The following PEAK1 variants were observed in gnomAD, a reference collection of about 807,000 sequenced individuals.
The protein encoded by PEAK1 is inactive tyrosine-protein kinase PEAK1.
A neutral mutation model predicts 124.7 loss-of-function variants in PEAK1; 54 were observed. That is an observed-to-expected ratio of 0.43 (90% CI 0.35 to 0.54). The LOEUF (loss-of-function observed/expected upper bound fraction) is 0.54, where lower values mean the gene tolerates loss of function less well. Ranked by LOEUF, PEAK1 falls within the 20% of genes least tolerant of loss-of-function variation. PEAK1 has a pLI of 0.01. For synonymous variants in PEAK1, 719 were observed against 760.0 expected, an observed-to-expected ratio of 0.95 and a Z score of 0.89; for missense variants, 2,046 against 2,134.5, an observed-to-expected ratio of 0.96 and a Z score of 0.82.
chr15:77,355,837 C>G (rs557452463), intron 2 of PEAK1: 2 of 985,082 alleles, frequency 2.0e-6, no homozygotes, highest in Non-Finnish European at 2.4e-6. Context: ...CTGCTGACCC[C>G]CTCCCAGAAT....
At chr15:77,297,325 G>C (rs1401753985) in intron 2 of PEAK1, among the ~76,000 whole-genome samples, 7 of 151,718 alleles carry the variant, frequency 4.6e-5, no homozygotes, top group Admixed American at 1.3e-4. Flanking sequence ...TTCACTCCAA[G>C]CTGAAAATTT....
chr15:77,236,987 A>G (rs1340447130), intron 6 of PEAK1, among the ~76,000 whole-genome samples: 1 of 152,224 alleles, frequency 6.6e-6, no homozygotes, highest in Non-Finnish European at 1.5e-5. Context: ...CTTCCCAGCC[A>G]TGTGGAACCA....
chr15:77,317,719 C>T (rs2064964010), intron 2 of PEAK1, among the ~76,000 whole-genome samples: 1 of 152,160 alleles, frequency 6.6e-6, no homozygotes, highest in Non-Finnish European at 1.5e-5. Context: ...TATAAAATGA[C>T]TGAATTCAAA....
intron 6 of PEAK1, among the ~76,000 whole-genome samples, chr15:77,200,979 A>T (rs2058333572): frequency 6.6e-6 from 1 of 152,034 alleles, no homozygotes; most frequent in South Asian, 2.1e-4. Context: ...TATATTATTT[A>T]AAAAATTTCT....
chr15:77,158,039 G>T (rs1596393979), intron 8 of PEAK1: 1 of 156,536 alleles, frequency 6.4e-6, no homozygotes, highest in Admixed American at 6.1e-5. Context: ...TGTTTGTGGT[G>T]CCTACATGCA....
Position 77,114,565 on chromosome 15 carries a change from T to A in PEAK1, c.4832A>T (p.Glu1611Val). Residue 1611 changes from glutamate (E) to valine (V), a missense_variant, in exon 10 of 10, where the codon GAG becomes GTG. Glu to Val is a moderately radical substitution (Grantham distance 121, BLOSUM62 -2). Transcript: ENST00000682557. Reference sequence around the variant, plus strand: ...TTCCCTCTCCTTCAGCTCTGGGTTCTCATCAAAGGGGTTGGGTAGGTGCAG... The same window carrying A: ...TTCCCTCTCCTTCAGCTCTGGGTTCACATCAAAGGGGTTGGGTAGGTGCAG... Reference protein sequence around the residue: ...EMLHLPNPFDENPELKEREYT... With the variant: ...EMLHLPNPFDVNPELKEREYT... 1.2e-6 allele frequency: 2 copies of A among 1,614,102 alleles called. No individual in the cohort carries two copies. Among genetic ancestry groups the A allele is most frequent in the Non-Finnish European group, 1.7e-6 (2 of 1,180,014 alleles).
At chr15:77,303,452 A>C (rs1475532186) in intron 2 of PEAK1, among the ~76,000 whole-genome samples, 1 of 152,154 alleles carries the variant, frequency 6.6e-6, no homozygotes, top group East Asian at 1.9e-4. Flanking sequence ...CCAATTGCTG[A>C]GTAGTGGTAC....
Position 77,118,356 on chromosome 15 carries a change from A to G in PEAK1, c.4078-3037T>C, listed in dbSNP as rs568486202. Among the ~76,000 whole-genome samples the G allele has an allele frequency of 7.2e-5, 11 of 152,272 alleles. No individual in the cohort carries two copies. In the South Asian group the frequency reaches 2.3e-3, roughly 32 times the overall value. On this transcript the variant is annotated intron_variant, in intron 9 of 9. Transcript: ENST00000682557. ...AGCCTGCAATGATGTTAATTTAGGT[A>G]GGAGTATTATATTATTCTAGGTACC...
intron 6 of PEAK1, among the ~76,000 whole-genome samples, chr15:77,182,259 A>T (rs2057313115): frequency 6.6e-6 from 1 of 152,098 alleles, no homozygotes; most frequent in African/African-American, 2.4e-5. Flanking sequence ...TTATCTATCC[A>T]TACATAATCT....
At chr15:77,273,735 C>T (rs965437839) in intron 5 of PEAK1, among the ~76,000 whole-genome samples, 1 of 152,028 alleles carries the variant, frequency 6.6e-6, no homozygotes, top group Non-Finnish European at 1.5e-5. Context: ...ATGCAATTCC[C>T]ATGAAAATAC....
At chr15:77,152,018 T>C (rs1278918667) in intron 8 of PEAK1, among the ~76,000 whole-genome samples, 1 of 152,262 alleles carries the variant, frequency 6.6e-6, no homozygotes, top group Non-Finnish European at 1.5e-5. Context: ...TTTCCAATTC[T>C]GTGAAGAAAG....
At chr15:77,193,372 G>A (rs886380414) in intron 6 of PEAK1, among the ~76,000 whole-genome samples, 1 of 152,088 alleles carries the variant, frequency 6.6e-6, no homozygotes, top group Non-Finnish European at 1.5e-5. Context: ...CAGAAATAAA[G>A]GTGAATGCTC....
At chr15:77,322,969 C>T (rs1253263856) in intron 2 of PEAK1, among the ~76,000 whole-genome samples, 3 of 152,192 alleles carry the variant, frequency 2.0e-5, no homozygotes, top group African/African-American at 7.2e-5. Context: ...GGATGCAAGG[C>T]TGGTTCAACA....
At chr15:77,297,095 A>T (rs1489736714) in intron 2 of PEAK1, among the ~76,000 whole-genome samples, 1 of 151,932 alleles carries the variant, frequency 6.6e-6, no homozygotes, top group East Asian at 1.9e-4. Flanking sequence ...TTAGGATATC[A>T]AATTGAATTT....
Position 77,218,554 on chromosome 15 carries a change from G to A in PEAK1, c.-115+33813C>T, listed in dbSNP as rs573953430. 1.5e-4 allele frequency among the ~76,000 whole-genome samples: 23 copies of A among 151,568 alleles called. No individual in the cohort carries two copies. The South Asian group carries it at 2.1e-3, about 14-fold the overall frequency. ...TTATGCCTCTATTTTCATGAGGAAC[G>A]TTGGTCTTTAATTCTCTTTTCTTTT... On this transcript the variant is annotated intron_variant, in intron 6 of 9. Coordinates refer to ENST00000682557, the MANE Select transcript of PEAK1 (RefSeq NM_001385026.1).
Position 77,267,552 on chromosome 15 carries a change from T to C in PEAK1, c.-274-15026A>G, listed in dbSNP as rs548676157. ...ACATCATAAGACTCTTTGCAGATAC[T>C]CCCCTGTACTAGCCCAGAGCCTAAC... On this transcript the variant is annotated intron_variant, in intron 5 of 9. Coordinates refer to ENST00000682557, the MANE Select transcript of PEAK1 (RefSeq NM_001385026.1). Among the ~76,000 whole-genome samples, 5 of 152,190 alleles carry C rather than the reference T, an allele frequency of 3.3e-5. No individual in the cohort carries two copies. In the East Asian group the frequency reaches 7.7e-4, roughly 23 times the overall value.
intron 2 of PEAK1, among the ~76,000 whole-genome samples, chr15:77,328,437 C>G (rs1372848020): frequency 1.3e-5 from 2 of 152,082 alleles, no homozygotes; most frequent in East Asian, 3.8e-4. Context: ...TAAAAGTGCT[C>G]TTTATATAAA....
intron 6 of PEAK1, among the ~76,000 whole-genome samples, chr15:77,251,683 G>C (rs1386225028): frequency 6.6e-6 from 1 of 152,130 alleles, no homozygotes; most frequent in African/African-American, 2.4e-5. Flanking sequence ...TCAGACACTG[G>C]ACCAGATACA....
chr15:77,182,613 G>A (rs1252239837), intron 6 of PEAK1, among the ~76,000 whole-genome samples: 1 of 151,842 alleles, frequency 6.6e-6, no homozygotes, highest in Non-Finnish European at 1.5e-5. Flanking sequence ...TTAGCTGGGT[G>A]TGGTAGCACA....
Sources: gnomAD v4.1 joint callset for allele counts (sites outside exome capture counted in the v4.1 genomes callset) on GRCh38, gnomAD v4.1.1 for gene constraint, MANE v1.5 for transcripts, NCBI Gene and HGNC (gene_info 2026-07-23, HGNC 2026-07-21) for gene names.